Variants in DIAPH1 observed in about 807,000 individuals in gnomAD.
DIAPH1 encodes the protein diaphanous related formin 1, also known as protein diaphanous homolog 1.
DIAPH1 carries 46 observed loss-of-function variants against 140.7 expected under a neutral mutation model. That is an observed-to-expected ratio of 0.33 (90% CI 0.26 to 0.42). DIAPH1 has a LOEUF of 0.42. Ranked by LOEUF, DIAPH1 falls within the 10% of genes least tolerant of loss-of-function variation. The pLI is 1.00. For missense variants in DIAPH1, 1,310 were observed against 1,558.7 expected (o/e 0.84, Z 2.69); for synonymous variants, 565 against 551.6 (o/e 1.02, Z -0.34).
chr5:141,593,843 GGA>G (rs1310291571), intron 1 of DIAPH1, among the ~76,000 whole-genome samples: 1 of 152,054 alleles, frequency 6.6e-6, no homozygotes, highest in Non-Finnish European at 1.5e-5. Context: ...TTTTTGAGAT[GGA>G]GTCTTGCTCT....
chr5:141,551,580 G>A (rs2099891687), intron 18 of DIAPH1, among the ~76,000 whole-genome samples: 1 of 152,080 alleles, frequency 6.6e-6, no homozygotes, highest in South Asian at 2.1e-4. Context: ...AGTTGATTTG[G>A]AATGTGGTCA....
chr5:141,546,526 G>A (rs2099890820), intron 18 of DIAPH1, among the ~76,000 whole-genome samples: 1 of 151,960 alleles, frequency 6.6e-6, no homozygotes, highest in African/African-American at 2.4e-5. Context: ...CATGATGGCA[G>A]GTGCCTGTAA....
chr5:141,583,177 TGAAGTTGCAAAGACTTG>T lies in DIAPH1; in HGVS notation c.620+12_620+28del. ...CCAAGTCCCCTGTGACTCTCCAACT[TGAAGTTGCAAAGACTTG>T]GAAGTCCTCACCCAGCAGTCTCTTC... On this transcript the variant is annotated intron_variant, in intron 6 of 27. Transcript: ENST00000389054. 1 of 1,594,730 alleles carries T rather than the reference TGAAGTTGCAAAGACTTG, an allele frequency of 6.3e-7. No homozygotes were observed. The highest frequency in any genetic ancestry group is 1.1e-5 in the South Asian group (1 of 90,710).
Position 141,618,894 on chromosome 5 carries a change from G to C in DIAPH1, c.21C>G (p.Ser7Arg), listed in dbSNP as rs1413707800. 1.7e-5 allele frequency: 25 copies of C among 1,513,146 alleles called. No homozygotes were observed. The highest frequency in any genetic ancestry group is 2.8e-5 in the East Asian group (1 of 36,108). The allele number at this position is 1,513,146 out of a possible 1,614,324, so 93.7% of individuals were successfully genotyped here. A position where few individuals can be genotyped will look rare whatever the true frequency, so the allele number is the denominator to read the frequency against. Residue 7 changes from serine (S) to arginine (R), a missense_variant, in exon 1 of 28, where the codon AGC becomes AGG. Physicochemically the swap from Ser to Arg is moderately radical, Grantham distance 110 (BLOSUM62 -1). Transcript: ENST00000389054. ...CCCGGGTCCCGCGGCCGGGCCCCAG[G>C]CTCCCGCCGGGCGGCTCCATGTCCC... MEPPGG[S>R]LGPGRGTRDK...
At chr5:141,581,698 A>C (rs2099896771) in intron 7 of DIAPH1, among the ~76,000 whole-genome samples, 2 of 152,196 alleles carry the variant, frequency 1.3e-5, no homozygotes, top group African/African-American at 4.8e-5. Context: ...AGAAACAGGA[A>C]ATAAAGCAAA....
intron 18 of DIAPH1, among the ~76,000 whole-genome samples, chr5:141,536,334 C>A (rs1234932381): frequency 6.6e-6 from 1 of 151,764 alleles, no homozygotes; most frequent in Admixed American, 6.6e-5. Flanking sequence ...CTCAGTAGTC[C>A]CAGTTTGAGG....
intron 1 of DIAPH1, among the ~76,000 whole-genome samples, chr5:141,613,631 G>C (rs2099902191): frequency 6.6e-6 from 1 of 152,158 alleles, no homozygotes. Context: ...ATAATGGATG[G>C]AAGTAAGAAT....
At chr5:141,548,626 T>C (rs891483428) in intron 18 of DIAPH1, among the ~76,000 whole-genome samples, 2 of 151,984 alleles carry the variant, frequency 1.3e-5, no homozygotes, top group African/African-American at 2.4e-5. Context: ...GGCAATAAGG[T>C]TGAGACCCTG....
chr5:141,605,621 A>G (rs1171308299), intron 1 of DIAPH1, among the ~76,000 whole-genome samples: 1 of 152,238 alleles, frequency 6.6e-6, no homozygotes, highest in Admixed American at 6.5e-5. Flanking sequence ...GAAGAATATT[A>G]GTGGAGTCTA....
At chr5:141,525,669 C>T (rs989837494) in intron 26 of DIAPH1, among the ~76,000 whole-genome samples, 4 of 151,732 alleles carry the variant, frequency 2.6e-5, no homozygotes, top group East Asian at 1.9e-4. Flanking sequence ...ATGGGAGGAG[C>T]GTCAGGAAAA....
Position 141,532,198 on chromosome 5 carries a change from G to T in DIAPH1, c.2581+2137C>A, listed in dbSNP as rs557411132. 1.8e-4 allele frequency among the ~76,000 whole-genome samples: 27 copies of T among 151,948 alleles called. No individual in the cohort carries two copies. In the South Asian group the frequency reaches 5.6e-3, roughly 32 times the overall value. ...TTTTTGGTTTTTTTTTTTGAGACGG[G>T]TCTTACTCTGTTGCCCAGGCTGCAG... On this transcript the variant is annotated intron_variant, in intron 19 of 27. Transcript: ENST00000389054.
intron 18 of DIAPH1, among the ~76,000 whole-genome samples, chr5:141,570,240 T>C (rs2099894972): frequency 6.6e-6 from 1 of 152,230 alleles, no homozygotes; most frequent in African/African-American, 2.4e-5. Flanking sequence ...AAGAAACTTA[T>C]GCCAGAGGCC....
intron 18 of DIAPH1, among the ~76,000 whole-genome samples, chr5:141,569,562 A>G (rs952318834): frequency 6.6e-6 from 1 of 152,132 alleles, no homozygotes; most frequent in Non-Finnish European, 1.5e-5. Flanking sequence ...CAGGAGTTCA[A>G]GACCAGCCTG....
intron 18 of DIAPH1, among the ~76,000 whole-genome samples, chr5:141,561,109 G>A (rs950333348): frequency 3.3e-5 from 5 of 151,964 alleles, no homozygotes; most frequent in Non-Finnish European, 7.4e-5. Flanking sequence ...TAGGAAAAAC[G>A]GGAAATTCTT....
intron 17 of DIAPH1, 88 bp downstream of exon 17, chr5:141,571,837 AC>A: frequency 1.1e-6 from 1 of 930,374 alleles, no homozygotes; most frequent in South Asian, 1.3e-5. Context: ...TTCTATCTTC[AC>A]CCAGGGAAGG....
intron 1 of DIAPH1, among the ~76,000 whole-genome samples, chr5:141,606,466 C>A (rs182739742): frequency 1.3e-5 from 2 of 152,272 alleles, no homozygotes; most frequent in African/African-American, 4.8e-5. Context: ...ACAATCTCGA[C>A]TCACAGCAAC....
At chr5:141,556,069 G>A (rs1449786235) in intron 18 of DIAPH1, among the ~76,000 whole-genome samples, 1 of 152,088 alleles carries the variant, frequency 6.6e-6, no homozygotes, top group Non-Finnish European at 1.5e-5. Context: ...TTTCAGAAGT[G>A]GGAGAAGAAT....
chr5:141,541,153 G>A (rs1028635279), intron 18 of DIAPH1, among the ~76,000 whole-genome samples: 3 of 152,056 alleles, frequency 2.0e-5, no homozygotes, highest in Non-Finnish European at 2.9e-5. Context: ...GAAACATCAT[G>A]ATTTCAGAGA....
Position 141,573,871 on chromosome 5 carries a change from C to G in DIAPH1, c.1979G>C (p.Gly660Ala). ...TIPPPPPLPEGVGIPSPSSLP... is the reference protein window; with the variant it reads ...TIPPPPPLPEAVGIPSPSSLP... ...AGAAGAGGGTGAAGGGATGCCAACA[C>G]CCTCAGGCAAAGGAGGGGGTGGAGG... The change falls in exon 16 of 28, where the codon GGT becomes GCT. Residue 660 changes from glycine (G) to alanine (A), a missense_variant. Physicochemically the swap from Gly to Ala is moderately conservative, Grantham distance 60 (BLOSUM62 0). This residue lies in a region of DIAPH1 where 589 missense variants were observed against 549.3 expected (regional missense o/e 1.07). Coordinates refer to ENST00000389054, the MANE Select transcript of DIAPH1 (RefSeq NM_005219.5). The G allele has an allele frequency of 6.5e-7, 1 of 1,536,450 alleles. No homozygotes were observed. The highest frequency in any genetic ancestry group is 2.4e-5 in the East Asian group (1 of 41,424).
Sources: allele counts gnomAD v4.1 joint callset (sites outside exome capture counted in the v4.1 genomes callset), GRCh38; gene constraint gnomAD v4.1.1; regional missense constraint gnomAD v4.1.1; transcripts MANE v1.5; gene names NCBI Gene and HGNC (gene_info 2026-07-23, HGNC 2026-07-21).